The following SECISBP2 variants were observed in gnomAD, a reference collection of about 807,000 sequenced individuals.
The protein encoded by SECISBP2 is SECIS binding protein 2.
Under a neutral mutation model 98.2 loss-of-function variants are expected in SECISBP2, and 96 were observed. The observed-to-expected ratio is 0.98, with a 90% CI of 0.83 to 1.16. The LOEUF is 1.16. SECISBP2 is among the 50% of genes most tolerant of loss of function. The pLI is 0.00. For synonymous variants in SECISBP2, 407 were observed against 370.2 expected, an observed-to-expected ratio of 1.10 and a Z score of -1.14; for missense variants, 1,046 against 1,022.9, an observed-to-expected ratio of 1.02 and a Z score of -0.31.
At chr9:89,355,098 C>G (rs1254805238) in intron 14 of SECISBP2, 1 of 985,422 alleles carries the variant, frequency 1.0e-6, no homozygotes. Flanking sequence ...AGAAATTAAT[C>G]TCCTATCCAA....
chr9:89,364,074 C>G (rs1173162308), downstream of SECISBP2: 41 of 1,577,952 alleles, frequency 2.6e-5, no homozygotes, highest in Non-Finnish European at 2.4e-5. Flanking sequence ...GGGACAACTT[C>G]CAATTCAGTC....
At chr9:89,354,881 C>A (rs1454401413) in intron 14 of SECISBP2, 1 of 985,298 alleles carries the variant, frequency 1.0e-6, no homozygotes, top group African/African-American at 1.7e-5. Context: ...TCTCCCCTGA[C>A]AAACTGAATA....
At chr9:89,364,610 T>G (rs73654766), downstream of SECISBP2, 1,369 of 156,572 alleles carry the variant, frequency 8.7e-3, 18 homozygotes, top group African/African-American at 0.03. Flanking sequence ...GGCCCGACAT[T>G]GGCCACTTCT....
the SECISBP2 span, chr9:89,367,003 A>C: frequency 6.6e-6 from 1 of 152,168 alleles, no homozygotes; most frequent in South Asian, 2.1e-4. Flanking sequence ...AAAGCTCTAC[A>C]CTCTTGGGGT....
At chr9:89,347,448 G>A (rs1354493964) in intron 11 of SECISBP2, among the ~76,000 whole-genome samples, 1 of 150,954 alleles carries the variant, frequency 6.6e-6, no homozygotes, top group Non-Finnish European at 1.5e-5. Flanking sequence ...GACAGTCACA[G>A]GCTCCTCCGG....
At chr9:89,341,316 A>G (rs777391243) in intron 9 of SECISBP2, 31 bp from the exon 10 acceptor site, 3 of 1,596,752 alleles carry the variant, frequency 1.9e-6, no homozygotes, top group East Asian at 2.2e-5. Context: ...GTATAGTTTT[A>G]TAAGTAAACT....
chr9:89,360,091 C>T (rs570396189), downstream of SECISBP2, among the ~76,000 whole-genome samples: 4 of 152,250 alleles, frequency 2.6e-5, no homozygotes, highest in South Asian at 2.1e-4. Context: ...ATGAAGGCAC[C>T]GTCTGCCCTG....
At chr9:89,365,563 C>A in the SECISBP2 span, 1 of 152,272 alleles carries the variant, frequency 6.6e-6, no homozygotes, top group East Asian at 1.9e-4. Context: ...AGATGTCCAT[C>A]AACCTCACAA....
In SECISBP2 at chr9:89,357,408, C is replaced by T; in HGVS notation, c.2114-3C>T. 6.2e-7 allele frequency: 1 copy of T among 1,613,830 alleles called. No individual in the cohort carries two copies. Among genetic ancestry groups the T allele is most frequent in the East Asian group, 2.2e-5 (1 of 44,880 alleles). ...CTGTCATTTTTCATTGTCCTTTGAC[C>T]AGGTGGGCTGGATGACACTTTGCAC... On this transcript the variant is annotated splice_region_variant and splice_polypyrimidine_tract_variant and intron_variant, in intron 14 of 16. Coordinates refer to ENST00000375807, the MANE Select transcript of SECISBP2 (RefSeq NM_024077.5).
At chr9:89,353,907 A>G (rs113217670) in intron 14 of SECISBP2, among the ~76,000 whole-genome samples, 4,399 of 152,338 alleles carry the variant, frequency 0.029, 86 homozygotes, top group Middle Eastern at 0.075. Flanking sequence ...GCTTTGAGGC[A>G]TAAGGGACTT....
downstream of SECISBP2, among the ~76,000 whole-genome samples, chr9:89,363,266 T>TCC (rs1564475660): frequency 1.4e-5 from 2 of 142,644 alleles, no homozygotes; most frequent in Non-Finnish European, 3.1e-5. Context: ...GACGTGGGAT[T>TCC]TCCCCCCCCA....
At chr9:89,358,271 G>C in intron 16 of SECISBP2, 80 bp downstream of exon 16, 1 of 1,402,698 alleles carries the variant, frequency 7.1e-7, no homozygotes, top group Non-Finnish European at 9.9e-7. Context: ...TAGGTGAGCA[G>C]CTTGACAATG....
At chr9:89,329,911 A>G (rs536968027) in intron 5 of SECISBP2, 2 of 152,366 alleles carry the variant, frequency 1.3e-5, no homozygotes, top group Non-Finnish European at 2.9e-5. Flanking sequence ...TAGAAAAAAA[A>G]GACTTTTATA....
chr9:89,362,901 G>GT, downstream of SECISBP2, among the ~76,000 whole-genome samples: 1 of 152,310 alleles, frequency 6.6e-6, no homozygotes, highest in East Asian at 1.9e-4. Flanking sequence ...CTTTGTCTCC[G>GT]TGGGGAGACA....
intron 1 of SECISBP2, 135 bp downstream of exon 1, chr9:89,318,747 CG>C: frequency 8.2e-7 from 1 of 1,223,900 alleles, no homozygotes; most frequent in South Asian, 2.1e-5. Context: ...AGCGCCCTAC[CG>C]GGTGGCCGCG....
chr9:89,362,838 G>A (rs1343628502), downstream of SECISBP2, among the ~76,000 whole-genome samples: 1 of 152,210 alleles, frequency 6.6e-6, no homozygotes, highest in Non-Finnish European at 1.5e-5. Context: ...ACACAGTGAT[G>A]AATCCCTGCC....
chr9:89,337,684 A>C (rs1249926786), intron 7 of SECISBP2, among the ~76,000 whole-genome samples: 1 of 152,198 alleles, frequency 6.6e-6, no homozygotes, highest in Non-Finnish European at 1.5e-5. Flanking sequence ...TGAGACTTTT[A>C]CTTCTGAAGT....
the SECISBP2 span, chr9:89,365,171 G>C: frequency 6.6e-6 from 1 of 152,332 alleles, no homozygotes; most frequent in African/African-American, 2.4e-5. Flanking sequence ...GTCCCACTAA[G>C]CTCCAGCCCC....
chr9:89,339,649 ACT>A (rs1335073449), intron 8 of SECISBP2, among the ~76,000 whole-genome samples: 2 of 151,846 alleles, frequency 1.3e-5, no homozygotes, highest in Non-Finnish European at 2.9e-5. Flanking sequence ...TGTTGGTGAC[ACT>A]CTTTTTTTTG....
Sources: allele counts gnomAD v4.1 joint callset (sites outside exome capture counted in the v4.1 genomes callset), GRCh38; gene constraint gnomAD v4.1.1; transcripts MANE v1.5; gene names NCBI Gene and HGNC (gene_info 2026-07-23, HGNC 2026-07-21).